RBMS3: variants seen among roughly 807,000 people sequenced by gnomAD.
RBMS3 encodes RNA binding motif single stranded interacting protein 3.
RBMS3 carries 27 observed loss-of-function variants against 66.8 expected under a neutral mutation model. The ratio of observed to expected loss-of-function variants is 0.40; its 90% CI spans 0.30 to 0.56. The LOEUF (loss-of-function observed/expected upper bound fraction) is 0.56, where lower values mean the gene tolerates loss of function less well. Ranked by LOEUF, RBMS3 falls within the 20% of genes least tolerant of loss-of-function variation. The probability of loss-of-function intolerance (pLI) is 0.40; values close to 1 mark genes in which losing one functional copy is unlikely to be tolerated. For synonymous variants in RBMS3, 188 were observed against 183.0 expected (o/e 1.03, Z -0.22); for missense variants, 513 against 549.5 (o/e 0.93, Z 0.66).
intron 4 of RBMS3, among the ~76,000 whole-genome samples, chr3:29,685,848 C>T (rs1048867713): frequency 2.0e-5 from 3 of 152,216 alleles, no homozygotes; most frequent in Non-Finnish European, 4.4e-5. Context: ...GTTAGTCCCA[C>T]CTCTCCCCAC....
At chr3:29,788,217 T>C (rs2056888650) in intron 6 of RBMS3, among the ~76,000 whole-genome samples, 2 of 150,888 alleles carry the variant, frequency 1.3e-5, no homozygotes, top group East Asian at 3.9e-4. Flanking sequence ...TTTTTTTTTT[T>C]GGAAAAAAAT....
chr3:29,432,569 A>G (rs1486001486), intron 1 of RBMS3, among the ~76,000 whole-genome samples: 1 of 152,148 alleles, frequency 6.6e-6, no homozygotes, highest in Admixed American at 6.5e-5. Flanking sequence ...AGTAACCTAA[A>G]TATTTCTCAA....
intron 1 of RBMS3, among the ~76,000 whole-genome samples, chr3:29,333,395 A>C (rs1161912912): frequency 6.6e-6 from 1 of 152,152 alleles, no homozygotes; most frequent in Non-Finnish European, 1.5e-5. Context: ...TATAACATTC[A>C]GTGCTGAGAC....
intron 5 of RBMS3, among the ~76,000 whole-genome samples, chr3:29,740,523 G>C (rs2054589497): frequency 6.6e-6 from 1 of 152,174 alleles, no homozygotes; most frequent in African/African-American, 2.4e-5. Flanking sequence ...GTTTACAAAA[G>C]AGGATTTCAG....
At chr3:29,549,722 A>T (rs2149029547) in intron 3 of RBMS3, among the ~76,000 whole-genome samples, 1 of 152,196 alleles carries the variant, frequency 6.6e-6, no homozygotes, top group South Asian at 2.1e-4. Flanking sequence ...TAACCAGAAA[A>T]AATATTTTAA....
At chr3:29,534,873 GT>G (rs1435913887) in intron 3 of RBMS3, among the ~76,000 whole-genome samples, 1 of 151,966 alleles carries the variant, frequency 6.6e-6, no homozygotes, top group African/African-American at 2.4e-5. Context: ...TTGGATGAAA[GT>G]TTTCTTGATG....
At chr3:29,910,937 G>A (rs1196505866) in intron 10 of RBMS3, among the ~76,000 whole-genome samples, 1 of 152,000 alleles carries the variant, frequency 6.6e-6, no homozygotes, top group African/African-American at 2.4e-5. Flanking sequence ...GCTTACCAAA[G>A]ATAGGAATTA....
At chr3:29,818,437 T>A (rs2149470703) in intron 6 of RBMS3, among the ~76,000 whole-genome samples, 2 of 152,220 alleles carry the variant, frequency 1.3e-5, no homozygotes, top group South Asian at 4.1e-4. Flanking sequence ...TTTTTAGTTG[T>A]CGTTTGATAT....
In RBMS3 at chr3:29,892,802, A is replaced by T. The variant is rs1335918380; in HGVS notation, c.792-4577A>T. On this transcript the variant is annotated intron_variant, in intron 8 of 14. Coordinates refer to ENST00000383767, the MANE Select transcript of RBMS3 (RefSeq NM_001003793.3). ...CCAGTAGCATGACATCTCTGCTTGA[A>T]GTATGTATGTATGTATGTATGTATG... Among the ~76,000 whole-genome samples, 5 of 140,184 alleles carry T rather than the reference A, an allele frequency of 3.6e-5. 1 individual carries two copies. Among genetic ancestry groups the T allele is most frequent in the Non-Finnish European group, 6.2e-5 (4 of 64,696 alleles). The allele number at this position is 140,184 out of a possible 152,430, so 92.0% of individuals were successfully genotyped here. A position where few individuals can be genotyped will look rare whatever the true frequency, so the allele number is the denominator to read the frequency against.
At chr3:29,925,437 A>T (rs758970206) in intron 10 of RBMS3, among the ~76,000 whole-genome samples, 11 of 152,148 alleles carry the variant, frequency 7.2e-5, no homozygotes, top group Non-Finnish European at 1.6e-4. Context: ...AAGAAAGGGA[A>T]TTTTTTTGTT....
intron 1 of RBMS3, among the ~76,000 whole-genome samples, chr3:29,367,682 C>A (rs1335825725): frequency 6.6e-6 from 1 of 151,960 alleles, no homozygotes; most frequent in African/African-American, 2.4e-5. Context: ...TCTGTAGTTT[C>A]TATTTTTTCC....
At chr3:29,838,880 C>CG (rs2058595222) in intron 6 of RBMS3, among the ~76,000 whole-genome samples, 1 of 151,992 alleles carries the variant, frequency 6.6e-6, no homozygotes. Context: ...ATTGGGTCAC[C>CG]GTTAGGTAGC....
intron 14 of RBMS3, among the ~76,000 whole-genome samples, chr3:29,993,547 A>G (rs1415608061): frequency 1.3e-5 from 2 of 152,026 alleles, no homozygotes; most frequent in Non-Finnish European, 2.9e-5. Context: ...AGCAGATTCC[A>G]CCCCCCACTG....
At chr3:29,376,455 T>C (rs904810654) in intron 1 of RBMS3, among the ~76,000 whole-genome samples, 32 of 152,292 alleles carry the variant, frequency 2.1e-4, no homozygotes, top group African/African-American at 6.7e-4. Context: ...TGATTCTGAA[T>C]GTTTCACGGG....
intron 4 of RBMS3, among the ~76,000 whole-genome samples, chr3:29,704,747 T>C (rs1334837164): frequency 2.6e-5 from 4 of 152,362 alleles, no homozygotes; most frequent in Admixed American, 6.5e-5. Context: ...GACTTTCTGA[T>C]TGAAATAATT....
intron 10 of RBMS3, among the ~76,000 whole-genome samples, chr3:29,932,002 T>A (rs540481216): frequency 6.6e-6 from 1 of 152,252 alleles, no homozygotes; most frequent in African/African-American, 2.4e-5. Context: ...AAAAAAGGGA[T>A]GCTGTTTTTT....
intron 3 of RBMS3, among the ~76,000 whole-genome samples, chr3:29,562,648 G>T (rs190474486): frequency 6.6e-6 from 1 of 152,230 alleles, no homozygotes; most frequent in East Asian, 1.9e-4. Flanking sequence ...CAAATATACT[G>T]TTAGACCTTT....
intron 14 of RBMS3, 142 bp downstream of exon 14, chr3:29,991,351 G>A: frequency 4.2e-6 from 6 of 1,420,534 alleles, no homozygotes; most frequent in African/African-American, 1.4e-5. Flanking sequence ...ATGATTATGT[G>A]GGTTTGAAAT....
rs2125408483 is a variant in RBMS3, at chr3:30,004,992, T to C, written c.*1130T>C. 1.3e-5 allele frequency: 2 copies of C among 151,922 alleles called. No homozygotes were observed. The highest frequency in any genetic ancestry group is 2.1e-4 in the South Asian group (1 of 4,804). 9.4% of individuals were successfully genotyped at this position (151,922 alleles called of 1,614,324 possible). Reference sequence around the variant, plus strand: ...GAAATTGTTGACAATTTCTGTAGTCTTTCCTAGTTGTGATCAAATTCAGCC... The same window carrying C: ...GAAATTGTTGACAATTTCTGTAGTCCTTCCTAGTTGTGATCAAATTCAGCC... On this transcript the variant is annotated 3_prime_UTR_variant, in exon 15 of 15. Coordinates refer to ENST00000383767, the MANE Select transcript of RBMS3 (RefSeq NM_001003793.3).
Sources: allele counts gnomAD v4.1 joint callset (sites outside exome capture counted in the v4.1 genomes callset), GRCh38; gene constraint gnomAD v4.1.1; transcripts MANE v1.5; gene names NCBI Gene and HGNC (gene_info 2026-07-23, HGNC 2026-07-21).